The following MTMR12 variants were observed in gnomAD, a reference collection of about 807,000 sequenced individuals.
MTMR12 encodes myotubularin-related protein 12.
MTMR12 carries 33 observed loss-of-function variants against 96.7 expected under a neutral mutation model. The observed-to-expected ratio is 0.34, with a 90% CI of 0.26 to 0.46. MTMR12 has a LOEUF of 0.46. Among genes scored for constraint, MTMR12 ranks in the 20% least tolerant of loss-of-function variants. The pLI is 1.00. For missense variants in MTMR12, 721 were observed against 896.1 expected (o/e 0.80, Z 2.49); for synonymous variants, 298 against 327.2 (o/e 0.91, Z 0.96).
chr5:32,235,702 G>C (rs145840459), intron 13 of MTMR12, among the ~76,000 whole-genome samples: 1 of 152,206 alleles, frequency 6.6e-6, no homozygotes, highest in African/African-American at 2.4e-5. Flanking sequence ...AGACAAGGGA[G>C]AAGCAGTGAA....
chr5:32,251,296 G>T (rs1488972725), intron 8 of MTMR12, among the ~76,000 whole-genome samples: 2 of 152,136 alleles, frequency 1.3e-5, no homozygotes, highest in African/African-American at 4.8e-5. Context: ...CTCCCAAAGT[G>T]CTGGGATTAA....
At chr5:32,242,770 A>G (rs372631129) in intron 11 of MTMR12, among the ~76,000 whole-genome samples, 5 of 151,868 alleles carry the variant, frequency 3.3e-5, no homozygotes, top group African/African-American at 9.7e-5. Context: ...CTTTGCTTCC[A>G]TAACATTTAT....
intron 10 of MTMR12, among the ~76,000 whole-genome samples, chr5:32,244,434 C>CA (rs951948412): frequency 6.6e-6 from 1 of 151,760 alleles, no homozygotes; most frequent in South Asian, 2.1e-4. Flanking sequence ...TACTAAAATA[C>CA]AAAAAAATTA....
chr5:32,242,359 G>C (rs1190710077), intron 11 of MTMR12, among the ~76,000 whole-genome samples: 1 of 152,064 alleles, frequency 6.6e-6, no homozygotes, highest in African/African-American at 2.4e-5. Context: ...TCCTAAAGTT[G>C]ATGTGAAAAT....
rs1004402481 is a variant in MTMR12, at chr5:32,271,739, T to C, written c.358+94A>G. ...AACAAGATGATATATGTGAAAAAAT[T>C]TTTAAAAATTATAAATGGTCATAAA... On this transcript the variant is annotated intron_variant, in intron 4 of 15. Coordinates refer to ENST00000382142, the MANE Select transcript of MTMR12 (RefSeq NM_001040446.3). 3 of 766,826 alleles carry C rather than the reference T, an allele frequency of 3.9e-6. No homozygotes were observed. In the Admixed American group the frequency reaches 1.2e-4, roughly 31 times the overall value. 47.5% of individuals were successfully genotyped at this position (766,826 alleles called of 1,614,324 possible). A position where few individuals can be genotyped will look rare whatever the true frequency, so the allele number is the denominator to read the frequency against.
At position 32,230,230 on chromosome 5, in the gene MTMR12, GT is replaced by G; in HGVS notation, c.1791del (p.Lys597AsnfsTer57). ...TGGAGCTCATCAGAAGAATTAATAA[GT>G]TTGCTAATTCTCTTGCCCAGAAGGT... is the stretch of plus-strand genomic sequence containing the variant. ...IKNLLGKRIS[K>X]LINSSDELQD... On this transcript the variant is annotated frameshift_variant, in exon 16 of 16. Transcript: ENST00000382142. LOFTEE classifies it high-confidence loss of function. 6.2e-7 allele frequency: 1 copy of G among 1,614,178 alleles called. No homozygotes were observed.
At chr5:32,231,171 C>T (rs1747980500) in intron 15 of MTMR12, among the ~76,000 whole-genome samples, 1 of 152,118 alleles carries the variant, frequency 6.6e-6, no homozygotes, top group Middle Eastern at 3.4e-3. Context: ...GGGCAGATCA[C>T]CTGAGGCCAG....
At chr5:32,236,655 T>A (rs753898110) in intron 13 of MTMR12, among the ~76,000 whole-genome samples, 1 of 151,944 alleles carries the variant, frequency 6.6e-6, no homozygotes, top group Admixed American at 6.6e-5. Flanking sequence ...CTGACCAACA[T>A]GGTGAAACCC....
intron 1 of MTMR12, among the ~76,000 whole-genome samples, chr5:32,281,913 A>AAG (rs1347199511): frequency 1.3e-5 from 2 of 151,704 alleles, no homozygotes; most frequent in Non-Finnish European, 2.9e-5. Context: ...AAAAAAAAAA[A>AAG]GAGACCACAT....
chr5:32,281,552 G>A (rs1312899353), intron 1 of MTMR12, among the ~76,000 whole-genome samples: 1 of 152,150 alleles, frequency 6.6e-6, no homozygotes, highest in Non-Finnish European at 1.5e-5. Context: ...TTTTGCAATA[G>A]AAAGCACTTT....
rs566157361 is a variant in MTMR12, at chr5:32,304,197, G to A, written c.81+8561C>T. On this transcript the variant is annotated intron_variant, in intron 1 of 15. Transcript: ENST00000382142. ...CAGCCAGGCGTGGTGGCACGTGCCT[G>A]TAGTCCCAGCTACTCGGGAGGCTGA... Among the ~76,000 whole-genome samples, 6 of 152,204 alleles carry A rather than the reference G, an allele frequency of 3.9e-5. No homozygotes were observed. In the South Asian group the frequency reaches 1.2e-3, roughly 32 times the overall value.
At chr5:32,235,203 C>T in intron 13 of MTMR12, 74 bp from the exon 14 acceptor site, 2 of 1,412,116 alleles carry the variant, frequency 1.4e-6, no homozygotes, top group Non-Finnish European at 9.6e-7. Context: ...GGGGCAGCCA[C>T]CTCAACAGCT....
chr5:32,231,327 C>T (rs945602569), intron 15 of MTMR12, among the ~76,000 whole-genome samples: 4 of 147,286 alleles, frequency 2.7e-5, no homozygotes, highest in Admixed American at 1.4e-4. Context: ...TGCAGTGAGC[C>T]GAGATCACGC....
chr5:32,311,946 T>G (rs1751614718), intron 1 of MTMR12, among the ~76,000 whole-genome samples: 1 of 152,186 alleles, frequency 6.6e-6, no homozygotes, highest in Non-Finnish European at 1.5e-5. Flanking sequence ...ACCGTATAAT[T>G]TACTTAATTA....
At chr5:32,248,950 T>A in intron 8 of MTMR12, 72 bp from the exon 9 acceptor site, 1 of 1,153,184 alleles carries the variant, frequency 8.7e-7, no homozygotes, top group Non-Finnish European at 1.3e-6. Flanking sequence ...GCTTAGCATT[T>A]AAATGCATAC....
At chr5:32,235,923 AAG>A (rs1268765366) in intron 13 of MTMR12, among the ~76,000 whole-genome samples, 1 of 152,160 alleles carries the variant, frequency 6.6e-6, no homozygotes, top group African/African-American at 2.4e-5. Flanking sequence ...GAGGAAAGGG[AAG>A]ATTGGAGATG....
rs756559831 is a variant in MTMR12, at chr5:32,312,725, G to C, written c.81+33C>G. On this transcript the variant is annotated intron_variant, in intron 1 of 15. Transcript: ENST00000382142. The surrounding 1 kb of genome is among the most constrained non-coding windows in gnomAD (Gnocchi z 5.0). ...GGCGCCCCTCGCCCCGGCCGCCCCTGCCCGACGCCCCGCCTGCGCGGCGCC... is the reference window on the plus strand; with the variant it reads ...GGCGCCCCTCGCCCCGGCCGCCCCTCCCCGACGCCCCGCCTGCGCGGCGCC... The C allele has an allele frequency of 4.1e-6, 6 of 1,475,890 alleles. No homozygotes were observed. Among genetic ancestry groups the C allele is most frequent in the Non-Finnish European group, 5.4e-6 (6 of 1,114,756 alleles). The allele number at this position is 1,475,890 out of a possible 1,614,324, so 91.4% of individuals were successfully genotyped here.
At chr5:32,242,200 A>T (rs1356569947) in intron 11 of MTMR12, 73 bp from the exon 12 acceptor site, 1 of 1,096,352 alleles carries the variant, frequency 9.1e-7, no homozygotes, top group Non-Finnish European at 1.3e-6. Context: ...CGTAGTTGAG[A>T]GAGAGTCTGA....
chr5:32,293,466 C>T (rs2112136272), intron 1 of MTMR12, among the ~76,000 whole-genome samples: 1 of 152,304 alleles, frequency 6.6e-6, no homozygotes, highest in South Asian at 2.1e-4. Context: ...TTTTGAGACT[C>T]TGACTGGCTC....
Sources: allele counts gnomAD v4.1 joint callset (sites outside exome capture counted in the v4.1 genomes callset), GRCh38; gene constraint gnomAD v4.1.1; non-coding constraint Gnocchi (gnomAD v3.1); transcripts MANE v1.5; gene names NCBI Gene and HGNC (gene_info 2026-07-23, HGNC 2026-07-21).